The following ATP8A2 variants were observed in gnomAD, a reference collection of about 807,000 sequenced individuals.
ATP8A2 encodes the protein ATPase phospholipid transporting 8A2, also known as phospholipid-transporting ATPase IB.
Under a neutral mutation model 165.6 loss-of-function variants are expected in ATP8A2, and 100 were observed. The ratio of observed to expected loss-of-function variants is 0.60; its 90% CI spans 0.51 to 0.71. The LOEUF (loss-of-function observed/expected upper bound fraction) is 0.71. Ranked by LOEUF, ATP8A2 falls within the 30% of genes least tolerant of loss-of-function variation. ATP8A2 has a pLI of 0.00. For missense variants in ATP8A2, 1,227 were observed against 1,479.5 expected (o/e 0.83, Z 2.80); for synonymous variants, 543 against 548.8 (o/e 0.99, Z 0.15).
chr13:25,885,105 CTTTTTT>C (rs869044168), intron 33 of ATP8A2, among the ~76,000 whole-genome samples: 1 of 88,566 alleles, frequency 1.1e-5, no homozygotes, highest in Non-Finnish European at 2.1e-5. Context: ...TCTCCGCTTG[CTTTTTT>C]TTTTTTTTTT....
intron 25 of ATP8A2, among the ~76,000 whole-genome samples, chr13:25,761,490 G>C (rs1171326904): frequency 6.6e-6 from 1 of 152,112 alleles, no homozygotes; most frequent in African/African-American, 2.4e-5. Flanking sequence ...ATAGGTGGTT[G>C]AGCTAAGCTG....
At chr13:26,019,814 G>A (rs76296636) in intron 36 of ATP8A2, 74 bp from the exon 37 acceptor site, 2 of 1,085,030 alleles carry the variant, frequency 1.8e-6, no homozygotes, top group Non-Finnish European at 2.8e-6. Context: ...CCAAAAAAAA[G>A]CAGCTTATTT....
chr13:25,557,462 A>G (rs2039014212), intron 13 of ATP8A2, among the ~76,000 whole-genome samples: 1 of 152,064 alleles, frequency 6.6e-6, no homozygotes, highest in Non-Finnish European at 1.5e-5. Context: ...TTCTTGGTGC[A>G]TATCAGGCTA....
intron 33 of ATP8A2, among the ~76,000 whole-genome samples, chr13:25,959,031 T>A (rs565380752): frequency 3.8e-4 from 58 of 152,356 alleles, no homozygotes; most frequent in African/African-American, 1.4e-3. Context: ...ATCCTGCATG[T>A]ATCCCCACAA....
At chr13:25,592,386 A>C (rs1040053778) in intron 24 of ATP8A2, among the ~76,000 whole-genome samples, 2 of 152,160 alleles carry the variant, frequency 1.3e-5, no homozygotes, top group African/African-American at 4.8e-5. Flanking sequence ...GCTTAAGATA[A>C]TTTTCTAGTC....
At chr13:25,856,123 T>C (rs928345367) in intron 30 of ATP8A2, among the ~76,000 whole-genome samples, 4 of 152,236 alleles carry the variant, frequency 2.6e-5, no homozygotes, top group Admixed American at 1.3e-4. Context: ...GTGTTGTCCT[T>C]TGAAGCACAA....
chr13:25,489,961 G>A (rs1031950837), intron 2 of ATP8A2, among the ~76,000 whole-genome samples: 9 of 152,216 alleles, frequency 5.9e-5, no homozygotes, highest in Non-Finnish European at 1.3e-4. Flanking sequence ...AGTCATTTAT[G>A]TTGGTCAAGG....
At chr13:25,495,056 A>G in intron 2 of ATP8A2, among the ~76,000 whole-genome samples, 1 of 152,252 alleles carries the variant, frequency 6.6e-6, no homozygotes, top group Middle Eastern at 3.4e-3. Flanking sequence ...CCCAAACCAA[A>G]CACCTATGTA....
At chr13:25,950,981 C>T (rs1321129511) in intron 33 of ATP8A2, among the ~76,000 whole-genome samples, 1 of 152,174 alleles carries the variant, frequency 6.6e-6, no homozygotes, top group East Asian at 1.9e-4. Flanking sequence ...GAAACAGACA[C>T]CATACCAAGT....
chr13:26,010,921 A>C (rs1347165399), intron 35 of ATP8A2, among the ~76,000 whole-genome samples: 1 of 152,194 alleles, frequency 6.6e-6, no homozygotes, highest in Non-Finnish European at 1.5e-5. Context: ...CCTCTCCTGG[A>C]AATTCAAAAT....
At chr13:25,551,029 A>T (rs1011034218) in intron 10 of ATP8A2, among the ~76,000 whole-genome samples, 1 of 152,170 alleles carries the variant, frequency 6.6e-6, no homozygotes, top group African/African-American at 2.4e-5. Flanking sequence ...CTATATTTAG[A>T]ACCTGTTGTG....
At chr13:25,788,497 G>A (rs999992165) in intron 27 of ATP8A2, among the ~76,000 whole-genome samples, 8 of 152,158 alleles carry the variant, frequency 5.3e-5, no homozygotes, top group Admixed American at 1.3e-4. Flanking sequence ...GTGTGCCCAC[G>A]TTTGCATGGC....
intron 24 of ATP8A2, among the ~76,000 whole-genome samples, chr13:25,636,211 G>C (rs913953042): frequency 1.3e-5 from 2 of 152,090 alleles, no homozygotes; most frequent in Non-Finnish European, 2.9e-5. Context: ...ACAACTTAGT[G>C]TCAAATACAT....
intron 33 of ATP8A2, among the ~76,000 whole-genome samples, chr13:25,930,668 GT>G (rs994154564): frequency 2.0e-5 from 3 of 151,196 alleles, no homozygotes; most frequent in Non-Finnish European, 4.4e-5. Flanking sequence ...ACCTTATGTG[GT>G]TTTTTTTTCG....
intron 1 of ATP8A2, among the ~76,000 whole-genome samples, chr13:25,417,502 T>C (rs1009632844): frequency 2.6e-5 from 4 of 152,380 alleles, no homozygotes; most frequent in African/African-American, 9.6e-5. Flanking sequence ...GAAAGTCTGG[T>C]ATTATTAACT....
intron 27 of ATP8A2, among the ~76,000 whole-genome samples, chr13:25,778,911 A>C (rs956413616): frequency 1.3e-5 from 2 of 152,214 alleles, no homozygotes; most frequent in African/African-American, 2.4e-5. Flanking sequence ...GGTTTTTATC[A>C]TTAGAAACAC....
chr13:25,559,318 A>G (rs1419544040), intron 14 of ATP8A2, among the ~76,000 whole-genome samples: 1 of 152,150 alleles, frequency 6.6e-6, no homozygotes, highest in Non-Finnish European at 1.5e-5. Context: ...GGATTGCCTG[A>G]GGTTGGGAGT....
chr13:25,838,748 T>G (rs1951685902), intron 29 of ATP8A2, among the ~76,000 whole-genome samples: 1 of 152,130 alleles, frequency 6.6e-6, no homozygotes, highest in Non-Finnish European at 1.5e-5. Flanking sequence ...TAATCTGGCT[T>G]TAATAGTTAA....
At chr13:25,807,915 T>A (rs1011577126) in intron 27 of ATP8A2, among the ~76,000 whole-genome samples, 1 of 152,164 alleles carries the variant, frequency 6.6e-6, no homozygotes, top group Non-Finnish European at 1.5e-5. Context: ...TGTTTTATTG[T>A]TCTTTTTTTC....
Sources: allele counts gnomAD v4.1 joint callset (sites outside exome capture counted in the v4.1 genomes callset), GRCh38; gene constraint gnomAD v4.1.1; transcripts MANE v1.5; gene names NCBI Gene and HGNC (gene_info 2026-07-23, HGNC 2026-07-21).